Variants in ROBO2 observed in about 807,000 individuals in gnomAD.
The protein encoded by ROBO2 is roundabout homolog 2.
Under a neutral mutation model 160.8 loss-of-function variants are expected in ROBO2, and 53 were observed. That is an observed-to-expected ratio of 0.33 (90% CI 0.26 to 0.41). ROBO2 has a LOEUF of 0.41. Ranked by LOEUF, ROBO2 falls within the 10% of genes least tolerant of loss-of-function variation. ROBO2 has a pLI of 1.00. For missense variants in ROBO2, 1,577 were observed against 1,722.4 expected (o/e 0.92, Z 1.49); for synonymous variants, 664 against 611.7 (o/e 1.09, Z -1.26).
chr3:76,584,327 T>A (rs77694442), intron 2 of ROBO2, among the ~76,000 whole-genome samples: 2 of 151,594 alleles, frequency 1.3e-5, no homozygotes. Flanking sequence ...AATATATGAT[T>A]CCCCCCCAGA....
In ROBO2 at chr3:76,552,067, C is replaced by T. The variant is rs569395087; in HGVS notation, c.110-545947C>T. On this transcript the variant is annotated intron_variant, in intron 2 of 26. Transcript: ENST00000487694. Reference sequence around the variant, plus strand: ...TTCCGGCTGGCACGGCAACACCCCACGGATCCTGTGACAATTGCATCTGTC... The same window carrying T: ...TTCCGGCTGGCACGGCAACACCCCATGGATCCTGTGACAATTGCATCTGTC... Among the ~76,000 whole-genome samples the T allele has an allele frequency of 5.9e-5, 9 of 152,286 alleles. No individual in the cohort carries two copies. In the South Asian group the frequency reaches 8.3e-4, roughly 14 times the overall value.
At chr3:77,629,778 A>G (rs2095118513) in intron 23 of ROBO2, 1 of 152,206 alleles carries the variant, frequency 6.6e-6, no homozygotes, top group South Asian at 2.1e-4. Context: ...TTACACATCA[A>G]ATAATGTCAT....
At chr3:76,239,779 C>A (rs535705198) in intron 2 of ROBO2, among the ~76,000 whole-genome samples, 1 of 152,312 alleles carries the variant, frequency 6.6e-6, no homozygotes, top group African/African-American at 2.4e-5. Flanking sequence ...AAGTGCTTAT[C>A]TACAGTGACC....
chr3:76,129,474 A>G (rs1440906198), intron 2 of ROBO2, among the ~76,000 whole-genome samples: 1 of 152,132 alleles, frequency 6.6e-6, no homozygotes, highest in Admixed American at 6.5e-5. Context: ...CCTAGTTAAT[A>G]AGGATAATGC....
intron 2 of ROBO2, among the ~76,000 whole-genome samples, chr3:77,185,135 G>A (rs1390114415): frequency 6.6e-6 from 1 of 151,960 alleles, no homozygotes; most frequent in Non-Finnish European, 1.5e-5. Flanking sequence ...TGGGATGAGA[G>A]GTAGAATGAT....
chr3:76,925,525 A>G (rs890782601), intron 2 of ROBO2, among the ~76,000 whole-genome samples: 1 of 152,216 alleles, frequency 6.6e-6, no homozygotes, highest in Non-Finnish European at 1.5e-5. Flanking sequence ...AAATTAGCTC[A>G]CATGTATTTC....
chr3:77,416,716 C>CAAAA (rs61204363), intron 2 of ROBO2, among the ~76,000 whole-genome samples: 57 of 89,882 alleles, frequency 6.3e-4, no homozygotes, highest in Non-Finnish European at 7.0e-4. Flanking sequence ...GATTCCATCT[C>CAAAA]AAAAAAAAAA....
At chr3:76,524,679 G>T (rs1577884807) in intron 2 of ROBO2, among the ~76,000 whole-genome samples, 1 of 151,258 alleles carries the variant, frequency 6.6e-6, no homozygotes, top group East Asian at 1.9e-4. Context: ...TTAAAACAAT[G>T]TATGTATTGG....
intron 2 of ROBO2, among the ~76,000 whole-genome samples, chr3:77,154,920 A>G (rs2077866185): frequency 6.6e-6 from 1 of 151,920 alleles, no homozygotes; most frequent in Admixed American, 6.6e-5. Flanking sequence ...TGGGTACTAG[A>G]CTCAGTACCT....
At chr3:77,144,934 AT>A (rs140329645) in intron 2 of ROBO2, among the ~76,000 whole-genome samples, 11,824 of 152,054 alleles carry the variant, frequency 0.078, 1,063 homozygotes, top group East Asian at 0.21. Flanking sequence ...TTCTCTCATC[AT>A]TTTTTTGTCT....
At chr3:76,798,646 C>G (rs1217585285) in intron 2 of ROBO2, among the ~76,000 whole-genome samples, 1 of 152,144 alleles carries the variant, frequency 6.6e-6, no homozygotes, top group Non-Finnish European at 1.5e-5. Context: ...AATCCCAACA[C>G]TTTGGGATGC....
rs555996139 is a variant in ROBO2, at chr3:76,934,989, C to T, written c.110-163025C>T. ...TTTTTTTTTAGACCATCTCACTCCT[C>T]TTGCCCAGGCTGGAGTTCAGTGGTC... is the stretch of plus-strand genomic sequence containing the variant. On this transcript the variant is annotated intron_variant, in intron 2 of 26. Transcript: ENST00000487694. 7.1e-3 allele frequency among the ~76,000 whole-genome samples: 1,028 copies of T among 144,456 alleles called. 3 individuals carry two copies. Among genetic ancestry groups the T allele is most frequent in the Non-Finnish European group, 0.011 (732 of 66,606 alleles). 94.8% of individuals were successfully genotyped at this position (144,456 alleles called of 152,430 possible).
chr3:76,592,403 T>C (rs1053101771), intron 2 of ROBO2, among the ~76,000 whole-genome samples: 8 of 152,036 alleles, frequency 5.3e-5, no homozygotes, highest in Non-Finnish European at 8.8e-5. Context: ...AAAAACAACG[T>C]CAAAATAAAT....
chr3:76,721,044 G>A (rs985113433), intron 2 of ROBO2, among the ~76,000 whole-genome samples: 34 of 152,148 alleles, frequency 2.2e-4, no homozygotes, highest in African/African-American at 8.0e-4. Context: ...AACAGTTTGA[G>A]TTCCTCAACA....
At position 76,108,158 on chromosome 3, in the gene ROBO2, G is replaced by C. The variant is rs2070031940; in HGVS notation, c.109+170556G>C. 2.0e-5 allele frequency among the ~76,000 whole-genome samples: 3 copies of C among 151,988 alleles called. No individual in the cohort carries two copies. The South Asian group carries it at 6.2e-4, about 32-fold the overall frequency. On this transcript the variant is annotated intron_variant, in intron 2 of 26. Transcript: ENST00000487694. ...GTAACAGCCTACTGCCATCTACTGGGTTGTGTTCGGAACTGCGATGCTAAT... is the reference window on the plus strand; with the variant it reads ...GTAACAGCCTACTGCCATCTACTGGCTTGTGTTCGGAACTGCGATGCTAAT...
intron 2 of ROBO2, among the ~76,000 whole-genome samples, chr3:76,777,481 G>A (rs1468865726): frequency 6.6e-6 from 1 of 150,876 alleles, no homozygotes; most frequent in Non-Finnish European, 1.5e-5. Context: ...GCTGAATTGA[G>A]CAGAATTATA....
chr3:77,275,167 A>C (rs142642454), intron 2 of ROBO2, among the ~76,000 whole-genome samples: 1,668 of 152,242 alleles, frequency 0.011, 31 homozygotes, highest in African/African-American at 0.038. Flanking sequence ...TACATAGATA[A>C]CTACATATAT....
At chr3:76,648,418 C>A (rs1338725613) in intron 2 of ROBO2, among the ~76,000 whole-genome samples, 1 of 151,812 alleles carries the variant, frequency 6.6e-6, no homozygotes, top group Non-Finnish European at 1.5e-5. Flanking sequence ...AAAACAAAAA[C>A]AAAATGCAAT....
At chr3:75,972,259 G>A (rs937492395) in intron 2 of ROBO2, among the ~76,000 whole-genome samples, 2 of 151,656 alleles carry the variant, frequency 1.3e-5, no homozygotes, top group East Asian at 2.0e-4. Flanking sequence ...ATCAAAATGT[G>A]TGAAATACCA....
Sources: gnomAD v4.1 joint callset for allele counts (sites outside exome capture counted in the v4.1 genomes callset) on GRCh38, gnomAD v4.1.1 for gene constraint, MANE v1.5 for transcripts, NCBI Gene and HGNC (gene_info 2026-07-23, HGNC 2026-07-21) for gene names.